Variants in DOCK2 observed in about 807,000 individuals in gnomAD.
The protein encoded by DOCK2 is dedicator of cytokinesis 2, also known as dedicator of cytokinesis protein 2.
Under a neutral mutation model 248.9 loss-of-function variants are expected in DOCK2, and 87 were observed. That is an observed-to-expected ratio of 0.35 (90% CI 0.29 to 0.42). DOCK2 has a LOEUF of 0.42. Ranked by LOEUF, DOCK2 falls within the 10% of genes least tolerant of loss-of-function variation. The pLI, the probability that DOCK2 is intolerant of heterozygous loss-of-function variation, is 1.00. For synonymous variants in DOCK2, 805 were observed against 821.6 expected, an observed-to-expected ratio of 0.98 and a Z score of 0.35; for missense variants, 1,747 against 2,300.2, an observed-to-expected ratio of 0.76 and a Z score of 4.92.
At chr5:169,893,723 A>G (rs571505100) in intron 27 of DOCK2, among the ~76,000 whole-genome samples, 14 of 152,218 alleles carry the variant, frequency 9.2e-5, no homozygotes, top group Non-Finnish European at 1.5e-4. Flanking sequence ...AGCCAGACAG[A>G]CAATGATTTG....
At chr5:169,863,669 C>T (rs992413550) in intron 27 of DOCK2, among the ~76,000 whole-genome samples, 2 of 152,220 alleles carry the variant, frequency 1.3e-5, no homozygotes, top group Admixed American at 1.3e-4. Context: ...CATGAGATGA[C>T]AGAGCCTTAA....
chr5:170,065,895 G>C (rs1757472338), intron 44 of DOCK2, among the ~76,000 whole-genome samples: 1 of 151,448 alleles, frequency 6.6e-6, no homozygotes, highest in Non-Finnish European at 1.5e-5. Flanking sequence ...CACCTTTAAA[G>C]ACACTCATAG....
At chr5:169,778,400 A>G (rs1765503119) in intron 25 of DOCK2, among the ~76,000 whole-genome samples, 1 of 152,150 alleles carries the variant, frequency 6.6e-6, no homozygotes, top group Non-Finnish European at 1.5e-5. Flanking sequence ...GTTGGGCTGC[A>G]CTCGAGGATT....
intron 27 of DOCK2, among the ~76,000 whole-genome samples, chr5:169,842,331 A>G (rs1044121468): frequency 3.0e-4 from 45 of 151,638 alleles, no homozygotes; most frequent in African/African-American, 1.1e-3. Flanking sequence ...CCATCCTTCC[A>G]CCTTTGAAGT....
chr5:169,749,385 T>C (rs1359750574), intron 23 of DOCK2, among the ~76,000 whole-genome samples: 1 of 152,204 alleles, frequency 6.6e-6, no homozygotes, highest in African/African-American at 2.4e-5. Flanking sequence ...AAAAGACTTA[T>C]GCCAAAACCA....
In DOCK2 at chr5:169,976,489, CA is replaced by C. The variant is rs539707671; in HGVS notation, c.2800-6575del. On this transcript the variant is annotated intron_variant, in intron 27 of 51. Transcript: ENST00000520908. ...GAGATGATGAATGTAGGGCCCTGGG[CA>C]AAAGGAATGAATGAATGGAATTTTC... Among the ~76,000 whole-genome samples, 421 of 152,106 alleles carry C rather than the reference CA, an allele frequency of 2.8e-3. 2 individuals are homozygous for C. The highest frequency in any genetic ancestry group is 9.5e-3 in the African/African-American group (394 of 41,482).
At chr5:170,013,911 A>G (rs1755407448) in intron 32 of DOCK2, among the ~76,000 whole-genome samples, 1 of 152,066 alleles carries the variant, frequency 6.6e-6, no homozygotes, top group South Asian at 2.1e-4. Context: ...CTGAATAGTT[A>G]CCTACTAACT....
intron 45 of DOCK2, among the ~76,000 whole-genome samples, chr5:170,068,758 A>T (rs183315168): frequency 6.6e-6 from 1 of 152,282 alleles, no homozygotes. Context: ...TGAAAGGAGC[A>T]TCAGAATCCC....
intron 27 of DOCK2, among the ~76,000 whole-genome samples, chr5:169,874,216 C>T (rs1046450717): frequency 6.6e-6 from 1 of 151,974 alleles, no homozygotes; most frequent in Non-Finnish European, 1.5e-5. Flanking sequence ...GGTTCAAGAC[C>T]AGCCTGGCCA....
chr5:170,012,228 G>A (rs918235485), intron 32 of DOCK2, among the ~76,000 whole-genome samples: 5 of 151,032 alleles, frequency 3.3e-5, no homozygotes, highest in South Asian at 2.1e-4. Flanking sequence ...AACGATCTAC[G>A]CTTTTTCAAA....
chr5:169,872,254 A>C (rs1444628804), intron 27 of DOCK2, among the ~76,000 whole-genome samples: 1 of 152,200 alleles, frequency 6.6e-6, no homozygotes, highest in African/African-American at 2.4e-5. Flanking sequence ...TAGCTGTAAG[A>C]ATCAATGGAT....
chr5:169,709,188 C>T (rs562271567), intron 15 of DOCK2, among the ~76,000 whole-genome samples: 2 of 152,178 alleles, frequency 1.3e-5, no homozygotes, highest in African/African-American at 2.4e-5. Context: ...TTCAAGATGC[C>T]CTTCAAACAC....
At chr5:170,080,416 C>A in intron 50 of DOCK2, 133 bp downstream of exon 50, 1 of 1,352,330 alleles carries the variant, frequency 7.4e-7, no homozygotes, top group African/African-American at 1.4e-5. Context: ...AGGCTCTGCT[C>A]ATAGCCACCC....
At chr5:169,981,341 C>T (rs1777929844) in intron 27 of DOCK2, among the ~76,000 whole-genome samples, 3 of 152,160 alleles carry the variant, frequency 2.0e-5, no homozygotes, top group African/African-American at 4.8e-5. Flanking sequence ...TGTATATATA[C>T]ATACAGGCAT....
At chr5:169,789,169 A>G (rs1766172014) in intron 25 of DOCK2, among the ~76,000 whole-genome samples, 1 of 152,116 alleles carries the variant, frequency 6.6e-6, no homozygotes, top group Non-Finnish European at 1.5e-5. Context: ...CTCCACTCAT[A>G]CCTTTGGACA....
intron 21 of DOCK2, 39 bp from the exon 22 acceptor site, chr5:169,718,618 T>C: frequency 1.3e-6 from 2 of 1,596,708 alleles, no homozygotes; most frequent in Non-Finnish European, 1.7e-6. Context: ...ATTACCATGA[T>C]GAAAGAGATG....
At position 169,764,377 on chromosome 5, in the gene DOCK2, G is replaced by A. The variant is rs970864490; in HGVS notation, c.2554+2752G>A. 1.3e-5 allele frequency among the ~76,000 whole-genome samples: 2 copies of A among 152,150 alleles called. No individual in the cohort carries two copies. Among genetic ancestry groups the A allele is most frequent in the African/African-American group, 2.4e-5 (1 of 41,446 alleles). On this transcript the variant is annotated intron_variant, in intron 25 of 51. Transcript: ENST00000520908. The surrounding 1 kb of genome is among the most constrained non-coding windows in gnomAD (Gnocchi z 4.3). ...GGATCCTATGGAGAAGGTGGAGAAG[G>A]GTTTACTGGTTAAGGACGGTGGTTC...
At chr5:169,855,813 A>T (rs1002359220) in intron 27 of DOCK2, among the ~76,000 whole-genome samples, 1 of 152,256 alleles carries the variant, frequency 6.6e-6, no homozygotes, top group Non-Finnish European at 1.5e-5. Flanking sequence ...AGAAAGAGCC[A>T]CAAGAGAATA....
chr5:169,800,944 C>CTTT (rs60140740), intron 25 of DOCK2, among the ~76,000 whole-genome samples: 607 of 53,156 alleles, frequency 0.011, 39 homozygotes, highest in African/African-American at 0.024. Context: ...TTCTTTCTTT[C>CTTT]TTTTTTTTTT....
Sources: gnomAD v4.1 joint callset for allele counts (sites outside exome capture counted in the v4.1 genomes callset) on GRCh38, gnomAD v4.1.1 for gene constraint, Gnocchi (gnomAD v3.1) non-coding constraint, MANE v1.5 for transcripts, NCBI Gene and HGNC (gene_info 2026-07-23, HGNC 2026-07-21) for gene names.